Variants in GRM1 observed in about 807,000 individuals in gnomAD.
GRM1 encodes the protein metabotropic glutamate receptor 1.
A neutral mutation model predicts 90.9 loss-of-function variants in GRM1; 33 were observed. The observed-to-expected ratio is 0.36, with a 90% confidence interval of 0.28 to 0.49. The LOEUF is 0.49. Among genes scored for constraint, GRM1 ranks in the 20% least tolerant of loss-of-function variants. The pLI is 0.99. For synonymous variants in GRM1, 700 were observed against 613.2 expected, an observed-to-expected ratio of 1.14 and a Z score of -2.09; for missense variants, 1,190 against 1,534.3, an observed-to-expected ratio of 0.78 and a Z score of 3.75.
intron 1 of GRM1, among the ~76,000 whole-genome samples, chr6:146,034,160 G>A (rs1375839364): frequency 1.3e-5 from 2 of 152,026 alleles, no homozygotes; most frequent in Admixed American, 6.6e-5. Context: ...TAAATTGAGA[G>A]CAGAATTTCA....
chr6:146,168,275 A>C (rs1004618192), intron 2 of GRM1, among the ~76,000 whole-genome samples: 1 of 151,956 alleles, frequency 6.6e-6, no homozygotes, highest in African/African-American at 2.4e-5. Flanking sequence ...TGAATAGTTG[A>C]TCTAGGGTTT....
intron 1 of GRM1, among the ~76,000 whole-genome samples, chr6:146,043,794 T>TATATATATATATATATATAG (rs1287614890): frequency 3.7e-5 from 5 of 136,842 alleles, no homozygotes; most frequent in Non-Finnish European, 1.6e-5. Context: ...TATATATATA[T>TATATATATATATATATATAG]ATATATATAT....
chr6:146,252,788 G>T (rs919379602), intron 2 of GRM1, among the ~76,000 whole-genome samples: 1 of 152,028 alleles, frequency 6.6e-6, no homozygotes, highest in Non-Finnish European at 1.5e-5. Context: ...TTGGTTGGGC[G>T]CAGTGGCTCA....
chr6:146,257,364 G>A (rs2114780654), intron 2 of GRM1, among the ~76,000 whole-genome samples: 1 of 152,206 alleles, frequency 6.6e-6, no homozygotes, highest in African/African-American at 2.4e-5. Context: ...TGTAGTTAAT[G>A]AGTGCTCATT....
At chr6:146,130,838 A>G (rs1776374410) in intron 1 of GRM1, among the ~76,000 whole-genome samples, 1 of 152,200 alleles carries the variant, frequency 6.6e-6, no homozygotes, top group Non-Finnish European at 1.5e-5. Context: ...TAATTTCTAG[A>G]AGGAGATAAA....
intron 1 of GRM1, among the ~76,000 whole-genome samples, chr6:146,037,977 C>A (rs1051389908): frequency 2.6e-5 from 4 of 151,948 alleles, no homozygotes; most frequent in Admixed American, 2.6e-4. Flanking sequence ...AACTCTACCT[C>A]CATATTTGTG....
At chr6:146,218,882 A>C (rs1320170574) in intron 2 of GRM1, among the ~76,000 whole-genome samples, 2 of 152,214 alleles carry the variant, frequency 1.3e-5, no homozygotes, top group Non-Finnish European at 2.9e-5. Context: ...AAATAATATG[A>C]TAAAGACAAC....
At chr6:146,409,745 A>G (rs1373824329) in intron 7 of GRM1, among the ~76,000 whole-genome samples, 2 of 152,230 alleles carry the variant, frequency 1.3e-5, no homozygotes, top group Non-Finnish European at 1.5e-5. Context: ...AAATGTACCT[A>G]TAATAACATT....
intron 7 of GRM1, among the ~76,000 whole-genome samples, chr6:146,411,781 G>A (rs1182982445): frequency 6.6e-6 from 1 of 152,156 alleles, no homozygotes; most frequent in Admixed American, 6.5e-5. Context: ...TATACACAGA[G>A]CCAACAGAGA....
Position 146,193,040 on chromosome 6 carries a change from GT to G in GRM1, c.950+33445del, listed in dbSNP as rs1778982804. 2.6e-5 allele frequency among the ~76,000 whole-genome samples: 4 copies of G among 152,228 alleles called. No homozygotes were observed. The South Asian group carries it at 8.3e-4, about 32-fold the overall frequency. ...ACTGGATGTAAGGTAAAAATTTTTTGTTGTACCAAGCGACTGGAAAAATGGA... is the reference window on the plus strand; with the variant it reads ...ACTGGATGTAAGGTAAAAATTTTTTGTGTACCAAGCGACTGGAAAAATGGA... On this transcript the variant is annotated intron_variant, in intron 2 of 7. Coordinates refer to ENST00000282753, the MANE Select transcript of GRM1 (RefSeq NM_001278064.2).
intron 2 of GRM1, among the ~76,000 whole-genome samples, chr6:146,244,344 G>A (rs994304721): frequency 1.3e-5 from 2 of 152,104 alleles, no homozygotes; most frequent in Non-Finnish European, 2.9e-5. Flanking sequence ...ATTAATTTGG[G>A]GAACTAATAA....
intron 5 of GRM1, among the ~76,000 whole-genome samples, chr6:146,381,613 T>C (rs146353465): frequency 6.7e-4 from 102 of 152,314 alleles, no homozygotes; most frequent in African/African-American, 2.3e-3. Context: ...TTTGATTCTC[T>C]GTAGATATTT....
At chr6:146,179,306 A>T (rs549714595) in intron 2 of GRM1, among the ~76,000 whole-genome samples, 130 of 152,266 alleles carry the variant, frequency 8.5e-4, no homozygotes, top group Non-Finnish European at 1.1e-3. Context: ...TCTTGACTTT[A>T]TCTTGATTTT....
At chr6:146,389,860 T>C (rs1776654842) in intron 6 of GRM1, among the ~76,000 whole-genome samples, 1 of 152,112 alleles carries the variant, frequency 6.6e-6, no homozygotes, top group East Asian at 1.9e-4. Flanking sequence ...TCTGCCTTTC[T>C]TTTGGTCTCT....
At chr6:146,341,151 G>C (rs1412952064) in intron 3 of GRM1, among the ~76,000 whole-genome samples, 2 of 152,098 alleles carry the variant, frequency 1.3e-5, no homozygotes, top group African/African-American at 4.8e-5. Flanking sequence ...CCTTTATGTT[G>C]AGTTAAAGGT....
intron 2 of GRM1, among the ~76,000 whole-genome samples, chr6:146,176,548 G>A (rs557306893): frequency 6.6e-6 from 1 of 152,096 alleles, no homozygotes; most frequent in Admixed American, 6.5e-5. Context: ...GAGTTCACTT[G>A]TTCAAGAGTT....
intron 1 of GRM1, among the ~76,000 whole-genome samples, chr6:146,069,860 A>T (rs997108111): frequency 1.3e-5 from 2 of 152,140 alleles, no homozygotes; most frequent in Non-Finnish European, 2.9e-5. Flanking sequence ...AAATATACAA[A>T]CTCATTTTAT....
intron 5 of GRM1, among the ~76,000 whole-genome samples, chr6:146,380,098 C>T (rs562475847): frequency 1.3e-5 from 2 of 152,076 alleles, no homozygotes; most frequent in African/African-American, 2.4e-5. Flanking sequence ...TCAAGGCCTG[C>T]TGAAACCACT....
chr6:146,253,054 A>C (rs779312669), intron 2 of GRM1, among the ~76,000 whole-genome samples: 15 of 137,392 alleles, frequency 1.1e-4, no homozygotes, highest in Non-Finnish European at 1.9e-4. Flanking sequence ...GCGAATCTCC[A>C]TCTCAAAAAA....
Sources: gnomAD v4.1 joint callset for allele counts (sites outside exome capture counted in the v4.1 genomes callset) on GRCh38, gnomAD v4.1.1 for gene constraint, MANE v1.5 for transcripts, NCBI Gene and HGNC (gene_info 2026-07-23, HGNC 2026-07-21) for gene names.